The following MBNL2 variants were observed in gnomAD, a reference collection of about 807,000 sequenced individuals.
The protein encoded by MBNL2 is muscleblind-like protein 2.
MBNL2 carries 17 observed loss-of-function variants against 41.9 expected under a neutral mutation model. The observed-to-expected ratio is 0.41, with a 90% CI of 0.28 to 0.61. The LOEUF (loss-of-function observed/expected upper bound fraction) is 0.61, where lower values mean the gene tolerates loss of function less well. MBNL2 is among the 20% of genes least tolerant of loss of function. The pLI is 0.35. For synonymous variants in MBNL2, 195 were observed against 182.9 expected (o/e 1.07, Z -0.53); for missense variants, 336 against 505.6 (o/e 0.66, Z 3.22).
chr13:97,229,549 TA>T (rs200979242), intron 1 of MBNL2, among the ~76,000 whole-genome samples: 15 of 151,048 alleles, frequency 9.9e-5, no homozygotes, highest in Non-Finnish European at 1.5e-4. Context: ...GTTTCTGATC[TA>T]AAAAAAAACA....
intron 5 of MBNL2, among the ~76,000 whole-genome samples, chr13:97,353,755 T>C (rs1295050742): frequency 6.6e-6 from 1 of 152,146 alleles, no homozygotes; most frequent in Non-Finnish European, 1.5e-5. Flanking sequence ...ACAAGCAATC[T>C]TTGCTCACAT....
intron 1 of MBNL2, among the ~76,000 whole-genome samples, chr13:97,227,051 AACAAAAAAAAAAT>A (rs2041727300): frequency 1.9e-5 from 2 of 105,202 alleles, no homozygotes; most frequent in African/African-American, 7.5e-5. Flanking sequence ...AAAAAAAAAA[AACAAAAAAAAAAT>A]CAAAAAAAAA....
At chr13:97,335,763 C>T (rs572883498) in intron 3 of MBNL2, among the ~76,000 whole-genome samples, 49 of 152,118 alleles carry the variant, frequency 3.2e-4, no homozygotes, top group African/African-American at 1.1e-3. Context: ...AGTAAGAATT[C>T]GCCCAGATTA....
chr13:97,232,093 CG>C (rs2042462727), intron 1 of MBNL2, among the ~76,000 whole-genome samples: 9 of 151,960 alleles, frequency 5.9e-5, no homozygotes, highest in East Asian at 5.8e-4. Flanking sequence ...GTAATAGAAA[CG>C]AAGACATTAT....
At chr13:97,284,838 A>G (rs914238586) in intron 2 of MBNL2, among the ~76,000 whole-genome samples, 2 of 152,238 alleles carry the variant, frequency 1.3e-5, no homozygotes, top group African/African-American at 4.8e-5. Context: ...ATTCATGGAG[A>G]AAAATAGCAA....
In MBNL2 at chr13:97,346,911, C is replaced by T. The variant is rs762253952; in HGVS notation, c.648C>T (p.Thr216=). The part of the protein sequence containing the change: ...TMIDTSDNTV[T]VCMDYIKGRC... ...TCGACACAAGTGACAACACCGTAAC[C>T]GTTTGTATGGATTACATAAAGGGGC... Residue 216 remains threonine (T), a synonymous_variant, in exon 5 of 9, where the codon ACC becomes ACT. Transcript: ENST00000679496. The surrounding 1 kb of genome is among the most constrained non-coding windows in gnomAD (Gnocchi z 4.2). The T allele has an allele frequency of 1.1e-5, 17 of 1,613,982 alleles. No homozygotes were observed. The highest frequency in any genetic ancestry group is 6.7e-5 in the African/African-American group (5 of 74,924).
At chr13:97,274,080 TAAAA>T (rs1404816798) in intron 1 of MBNL2, among the ~76,000 whole-genome samples, 1 of 151,654 alleles carries the variant, frequency 6.6e-6, no homozygotes, top group Admixed American at 6.6e-5. Context: ...GAAAAAAAAT[TAAAA>T]AACTTAAAAA....
At chr13:97,336,038 A>G (rs1327635356) in intron 3 of MBNL2, among the ~76,000 whole-genome samples, 1 of 152,212 alleles carries the variant, frequency 6.6e-6, no homozygotes, top group Non-Finnish European at 1.5e-5. Flanking sequence ...TACACATCCT[A>G]TCTATTTAGA....
intron 8 of MBNL2, among the ~76,000 whole-genome samples, chr13:97,383,054 C>T (rs574706691): frequency 6.6e-6 from 1 of 152,308 alleles, no homozygotes; most frequent in Non-Finnish European, 1.5e-5. Context: ...CTTCTCATGC[C>T]TCTTTACCTT....
chr13:97,255,705 G>A (rs2047392988), intron 1 of MBNL2, among the ~76,000 whole-genome samples: 1 of 152,178 alleles, frequency 6.6e-6, no homozygotes, highest in South Asian at 2.1e-4. Context: ...AAAGCTGGTT[G>A]ATCTTTTATT....
At chr13:97,263,660 C>A (rs2049097104) in intron 1 of MBNL2, among the ~76,000 whole-genome samples, 1 of 152,186 alleles carries the variant, frequency 6.6e-6, no homozygotes, top group Non-Finnish European at 1.5e-5. Context: ...CTCTGTCACC[C>A]AGGCTGGAGT....
At chr13:97,189,531 CAT>C in the MBNL2 span, among the ~76,000 whole-genome samples, 39 of 152,252 alleles carry the variant, frequency 2.6e-4, 1 homozygote, top group South Asian at 4.8e-3. Context: ...TATATATACT[CAT>C]GTGTATACAT....
chr13:97,207,726 A>G, the MBNL2 span, among the ~76,000 whole-genome samples: 12 of 152,292 alleles, frequency 7.9e-5, no homozygotes, highest in East Asian at 2.3e-3. Flanking sequence ...TGCCTTCCCA[A>G]CAGTCCCCCA....
At position 97,346,935 on chromosome 13, in the gene MBNL2, G is replaced by T; in HGVS notation, c.672G>T (p.Gly224=). ...CCGTTTGTATGGATTACATAAAGGGGCGTTGCATGAGGGAGAAATGCAAAT... is the reference window on the plus strand; with the variant it reads ...CCGTTTGTATGGATTACATAAAGGGTCGTTGCATGAGGGAGAAATGCAAAT... ...TVTVCMDYIK[G]RCMREKCKYF... Residue 224 remains glycine, a synonymous_variant, in exon 5 of 9, where the codon GGG becomes GGT. Transcript: ENST00000679496. The surrounding 1 kb of genome is among the most constrained non-coding windows in gnomAD (Gnocchi z 4.2). The T allele has an allele frequency of 1.2e-6, 2 of 1,614,146 alleles. No individual in the cohort carries two copies. Among genetic ancestry groups the T allele is most frequent in the Non-Finnish European group, 1.7e-6 (2 of 1,179,976 alleles).
the MBNL2 span, among the ~76,000 whole-genome samples, chr13:97,181,073 ATCTCTCTC>A: frequency 1.4e-5 from 2 of 139,496 alleles, no homozygotes; most frequent in Middle Eastern, 4.0e-3. Flanking sequence ...CTTCAACTCA[ATCTCTCTC>A]TCTCTCTCTC....
chr13:97,352,038 AAATAAATAAATAAATAAATAAAT>A (rs2062532283), intron 5 of MBNL2, among the ~76,000 whole-genome samples: 2 of 72,780 alleles, frequency 2.7e-5, no homozygotes, highest in African/African-American at 2.0e-4. Flanking sequence ...ATAAAAATAT[AAATAAATAAATAAATAAATAAAT>A]AATAAATAAA....
intron 8 of MBNL2, among the ~76,000 whole-genome samples, chr13:97,369,443 A>T (rs1594278014): frequency 2.0e-5 from 3 of 152,350 alleles, no homozygotes; most frequent in African/African-American, 7.2e-5. Context: ...AAACACAAAC[A>T]GAATGAAAGT....
At chr13:97,379,385 AC>A (rs1350685952) in intron 8 of MBNL2, among the ~76,000 whole-genome samples, 1 of 152,206 alleles carries the variant, frequency 6.6e-6, no homozygotes, top group Non-Finnish European at 1.5e-5. Flanking sequence ...ATCGAGACTC[AC>A]TTTTTAATTT....
chr13:97,282,765 A>G lies in MBNL2; in HGVS notation c.174+6356A>G, dbSNP rs188261944. 2.0e-5 allele frequency among the ~76,000 whole-genome samples: 3 copies of G among 152,326 alleles called. No individual in the cohort carries two copies. The East Asian group carries it at 5.8e-4, about 29-fold the overall frequency. Reference sequence around the variant, plus strand: ...CTTCCCCTGTGCACCCTCTCTGGACACTATTCAGACTTCATGTCATAGTTT... The same window carrying G: ...CTTCCCCTGTGCACCCTCTCTGGACGCTATTCAGACTTCATGTCATAGTTT... On this transcript the variant is annotated intron_variant, in intron 2 of 8. Coordinates refer to ENST00000679496, the MANE Select transcript of MBNL2 (RefSeq NM_001382683.1).
Sources: allele counts gnomAD v4.1 joint callset (sites outside exome capture counted in the v4.1 genomes callset), GRCh38; gene constraint gnomAD v4.1.1; non-coding constraint Gnocchi (gnomAD v3.1); transcripts MANE v1.5; gene names NCBI Gene and HGNC (gene_info 2026-07-23, HGNC 2026-07-21).